Variants in MACF1 observed in about 807,000 individuals in gnomAD.
MACF1 encodes the protein microtubule-actin cross-linking factor 1.
Under a neutral mutation model 854.8 loss-of-function variants are expected in MACF1, and 193 were observed. The ratio of observed to expected loss-of-function variants is 0.23; its 90% CI spans 0.20 to 0.25. MACF1 has a LOEUF of 0.25. MACF1 is among the 10% of genes least tolerant of loss of function. MACF1 has a pLI of 1.00. For synonymous variants in MACF1, 3,185 were observed against 3,226.7 expected (o/e 0.99, Z 0.44); for missense variants, 7,722 against 8,929.1 (o/e 0.86, Z 5.45).
At chr1:39,430,118 G>A (rs1208902920) in intron 65 of MACF1, 50 bp downstream of exon 65, 1 of 1,568,226 alleles carries the variant, frequency 6.4e-7, no homozygotes, top group Non-Finnish European at 8.6e-7. Context: ...CTCTTTGTCA[G>A]AATCCTTAAG....
intron 2 of MACF1, among the ~76,000 whole-genome samples, chr1:39,091,905 T>G (rs930800369): frequency 1.1e-4 from 17 of 152,196 alleles, no homozygotes; most frequent in Admixed American, 1.1e-3. Context: ...GATTACACAC[T>G]TGCTTATTTA....
intron 26 of MACF1, among the ~76,000 whole-genome samples, chr1:39,312,869 T>C (rs1416685777): frequency 6.6e-6 from 1 of 152,128 alleles, no homozygotes; most frequent in Non-Finnish European, 1.5e-5. Context: ...AATACTGCTA[T>C]CCAAGCTCAC....
At chr1:39,323,185 T>C (rs1646544571) in intron 33 of MACF1, among the ~76,000 whole-genome samples, 177 bp downstream of exon 33, 1 of 152,008 alleles carries the variant, frequency 6.6e-6, no homozygotes, top group African/African-American at 2.4e-5. Flanking sequence ...ACAAAAAATA[T>C]TTAAAAATTA....
intron 21 of MACF1, among the ~76,000 whole-genome samples, chr1:39,297,963 G>A (rs1645959594): frequency 6.6e-6 from 1 of 151,990 alleles, no homozygotes; most frequent in East Asian, 1.9e-4. Context: ...CTTTGGGTAT[G>A]TTATTGAAGT....
intron 28 of MACF1, among the ~76,000 whole-genome samples, 192 bp from the exon 29 acceptor site, chr1:39,317,022 T>G (rs1442743819): frequency 1.3e-5 from 2 of 152,236 alleles, no homozygotes; most frequent in African/African-American, 4.8e-5. Context: ...CTGCCTGTCC[T>G]TGGCATCCCA....
At chr1:39,455,213 G>C (rs532989873) in intron 89 of MACF1, 116 bp downstream of exon 89, 1 of 1,015,966 alleles carries the variant, frequency 9.8e-7, no homozygotes, top group Non-Finnish European at 1.5e-6. Context: ...CACAGACTTA[G>C]CACTGTAAAA....
chr1:39,425,142 C>G (rs932280463), intron 61 of MACF1, among the ~76,000 whole-genome samples: 94 of 152,282 alleles, frequency 6.2e-4, no homozygotes, highest in African/African-American at 2.2e-3. Flanking sequence ...AACCTCGACT[C>G]CATTTTTACT....
At chr1:39,178,971 C>T (rs1260098766) in intron 2 of MACF1, among the ~76,000 whole-genome samples, 1 of 152,116 alleles carries the variant, frequency 6.6e-6, no homozygotes, top group African/African-American at 2.4e-5. Flanking sequence ...ATGCTGGAGG[C>T]AGTCAGAACA....
chr1:39,210,047 A>C (rs1337870607), intron 1 of MACF1, among the ~76,000 whole-genome samples: 1 of 150,712 alleles, frequency 6.6e-6, no homozygotes, highest in African/African-American at 2.4e-5. Context: ...CCAAGATTGC[A>C]CCCCTGCATT....
chr1:39,356,298 T>C (rs1647561161), intron 44 of MACF1, among the ~76,000 whole-genome samples: 2 of 152,224 alleles, frequency 1.3e-5, no homozygotes, highest in African/African-American at 4.8e-5. Context: ...AATTATTGAA[T>C]TAATTTTCCA....
At position 39,282,511 on chromosome 1, in the gene MACF1, T is replaced by C; in HGVS notation, c.695+137T>C. 4 of 1,051,630 alleles carry C rather than the reference T, an allele frequency of 3.8e-6. No homozygotes were observed. The South Asian group carries it at 7.9e-5, about 21-fold the overall frequency. 65.1% of individuals were successfully genotyped at this position (1,051,630 alleles called of 1,614,324 possible). A position where few individuals can be genotyped will look rare whatever the true frequency, so the allele number is the denominator to read the frequency against. ...TTTGTTCATTTGAAAAAGAAACATT[T>C]ATTTAACTACTTTTCTAGGAACTGG... On this transcript the variant is annotated intron_variant, in intron 7 of 100. Coordinates refer to ENST00000564288, the MANE Select transcript of MACF1 (RefSeq NM_001394062.1).
chr1:39,316,954 T>C (rs1383699402), intron 28 of MACF1, among the ~76,000 whole-genome samples: 1 of 152,232 alleles, frequency 6.6e-6, no homozygotes, highest in Non-Finnish European at 1.5e-5. Context: ...TTTCATATGT[T>C]ATAAGTGGTG....
At chr1:39,336,761 C>T in intron 37 of MACF1, 108 bp downstream of exon 37, 1 of 972,562 alleles carries the variant, frequency 1.0e-6, no homozygotes, top group Non-Finnish European at 1.5e-6. Context: ...TGCCTCTATA[C>T]ATTTTAAGGC....
intron 49 of MACF1, among the ~76,000 whole-genome samples, chr1:39,366,365 G>T (rs953662645): frequency 2.6e-5 from 4 of 151,982 alleles, no homozygotes; most frequent in African/African-American, 4.8e-5. Flanking sequence ...ATGGGGTCCT[G>T]CTCTGTTGCC....
intron 2 of MACF1, among the ~76,000 whole-genome samples, chr1:39,193,638 G>A (rs554838073): frequency 6.6e-6 from 1 of 152,198 alleles, no homozygotes; most frequent in African/African-American, 2.4e-5. Flanking sequence ...ACTGTGAAGA[G>A]GTAATTTTAT....
chr1:39,412,152 C>T, intron 58 of MACF1: 4 of 1,613,946 alleles, frequency 2.5e-6, no homozygotes, highest in Non-Finnish European at 3.4e-6. Context: ...AAGACAATGG[C>T]AGTTTGTCCC....
In MACF1 at chr1:39,333,767, T is replaced by A. The variant is rs1381181682; in HGVS notation, c.7179T>A (p.Leu2393=). 1 of 1,614,180 alleles carries A rather than the reference T, an allele frequency of 6.2e-7. No homozygotes were observed. Among genetic ancestry groups the A allele is most frequent in the South Asian group, 1.1e-5 (1 of 91,084 alleles). Residue 2393 remains leucine (L), a synonymous_variant, in exon 37 of 101, where the codon CTT becomes CTA. Coordinates refer to ENST00000564288, the MANE Select transcript of MACF1 (RefSeq NM_001394062.1). ...SVKDAVTVGL[L]DKETATRILE... is the part of the protein sequence containing the mutation. ...AGGATGCAGTTACAGTTGGACTTCTTGACAAGGAAACAGCCACCAGAATTT... is the reference window on the plus strand; with the variant it reads ...AGGATGCAGTTACAGTTGGACTTCTAGACAAGGAAACAGCCACCAGAATTT...
intron 2 of MACF1, among the ~76,000 whole-genome samples, chr1:39,130,018 C>T (rs1164244017): frequency 6.6e-6 from 1 of 152,098 alleles, no homozygotes. Context: ...TTGAGGTCTC[C>T]TAATACAATA....
chr1:39,234,535 C>G (rs1296424335), intron 2 of MACF1, among the ~76,000 whole-genome samples: 4 of 96,078 alleles, frequency 4.2e-5, no homozygotes, highest in East Asian at 3.5e-4. Flanking sequence ...GGCGGCTGGC[C>G]TGGCGGGGGG....
Sources: allele counts gnomAD v4.1 joint callset (sites outside exome capture counted in the v4.1 genomes callset), GRCh38; gene constraint gnomAD v4.1.1; transcripts MANE v1.5; gene names NCBI Gene and HGNC (gene_info 2026-07-23, HGNC 2026-07-21).